Variants in CMTM8 observed in about 807,000 individuals in gnomAD.
CMTM8 encodes CKLF like MARVEL transmembrane domain containing 8.
A neutral mutation model predicts 18.6 loss-of-function variants in CMTM8; 12 were observed. That is an observed-to-expected ratio of 0.65 (90% CI 0.41 to 1.05). The LOEUF is 1.05. Among genes scored for constraint, CMTM8 ranks in the 50% least tolerant of loss-of-function variants. The pLI is 0.00. For synonymous variants in CMTM8, 87 were observed against 90.6 expected (o/e 0.96, Z 0.23); for missense variants, 217 against 227.2 (o/e 0.95, Z 0.29).
At chr3:32,303,819 C>T (rs1239392568) in intron 1 of CMTM8, among the ~76,000 whole-genome samples, 1 of 152,174 alleles carries the variant, frequency 6.6e-6, no homozygotes, top group Non-Finnish European at 1.5e-5. Context: ...TGGGAAGTTG[C>T]AGGCCTGACA....
intron 1 of CMTM8, among the ~76,000 whole-genome samples, chr3:32,290,328 C>T (rs1702758166): frequency 6.6e-6 from 1 of 152,136 alleles, no homozygotes; most frequent in South Asian, 2.1e-4. Flanking sequence ...AACCTAGAAA[C>T]TTCATTGAAA....
At chr3:32,248,670 T>G (rs1702074499) in intron 1 of CMTM8, among the ~76,000 whole-genome samples, 1 of 151,786 alleles carries the variant, frequency 6.6e-6, no homozygotes, top group Admixed American at 6.6e-5. Context: ...GGCCCATGTT[T>G]TTTTTTTTTT....
At chr3:32,253,317 CATTTATT>C (rs1458164199) in intron 1 of CMTM8, among the ~76,000 whole-genome samples, 5 of 149,980 alleles carry the variant, frequency 3.3e-5, no homozygotes, top group Admixed American at 2.7e-4. Context: ...TTTTTTGTAG[CATTTATT>C]TATTTTCTTG....
intron 2 of CMTM8, among the ~76,000 whole-genome samples, chr3:32,363,555 G>A (rs1311770856): frequency 6.6e-6 from 1 of 152,200 alleles, no homozygotes; most frequent in Non-Finnish European, 1.5e-5. Flanking sequence ...TATAATAAGA[G>A]AGAAACATAG....
chr3:32,240,655 G>A (rs1419023063), intron 1 of CMTM8, among the ~76,000 whole-genome samples: 1 of 152,122 alleles, frequency 6.6e-6, no homozygotes, highest in African/African-American at 2.4e-5. Flanking sequence ...AATAATCACT[G>A]TTGACATGTT....
intron 1 of CMTM8, among the ~76,000 whole-genome samples, chr3:32,310,396 T>C (rs1284467259): frequency 6.6e-6 from 1 of 152,210 alleles, no homozygotes; most frequent in Non-Finnish European, 1.5e-5. Context: ...ATACACTGTC[T>C]GGAGATGCTT....
At chr3:32,352,665 A>T (rs1276004153) in intron 1 of CMTM8, among the ~76,000 whole-genome samples, 2 of 152,220 alleles carry the variant, frequency 1.3e-5, no homozygotes, top group Non-Finnish European at 2.9e-5. Context: ...GATGATAGAG[A>T]TCAGGGCAAT....
At chr3:32,255,971 G>A (rs1440000537) in intron 1 of CMTM8, among the ~76,000 whole-genome samples, 1 of 152,088 alleles carries the variant, frequency 6.6e-6, no homozygotes, top group African/African-American at 2.4e-5. Flanking sequence ...CAAGCAATAC[G>A]CCTGCGTTGG....
At chr3:32,247,869 C>T (rs1244935819) in intron 1 of CMTM8, among the ~76,000 whole-genome samples, 1 of 152,226 alleles carries the variant, frequency 6.6e-6, no homozygotes, top group East Asian at 1.9e-4. Context: ...TTAGTAGTCA[C>T]TCCCCATTCC....
In CMTM8 at chr3:32,238,941, T is replaced by TG; in HGVS notation, c.-28dup. On this transcript the variant is annotated 5_prime_UTR_variant, in exon 1 of 4. Transcript: ENST00000307526. Reference sequence around the variant, plus strand: ...CCAGCCCCAGACCCGCCGGGGTCCCTGGGGACGCGCCAGCCCGGCAGTGGC... The same window carrying TG: ...CCAGCCCCAGACCCGCCGGGGTCCCTGGGGGACGCGCCAGCCCGGCAGTGGC... 6.5e-7 allele frequency: 1 copy of TG among 1,538,770 alleles called. No homozygotes were observed. Among genetic ancestry groups the TG allele is most frequent in the Non-Finnish European group, 8.8e-7 (1 of 1,141,268 alleles).
intron 1 of CMTM8, among the ~76,000 whole-genome samples, chr3:32,319,074 A>ATTT (rs1177949113): frequency 9.5e-5 from 3 of 31,532 alleles, no homozygotes; most frequent in African/African-American, 1.5e-4. Flanking sequence ...ATATATATAT[A>ATTT]TTTTTTTTTT....
chr3:32,253,634 T>A (rs150738903), intron 1 of CMTM8, among the ~76,000 whole-genome samples: 1 of 151,976 alleles, frequency 6.6e-6, no homozygotes, highest in African/African-American at 2.4e-5. Flanking sequence ...ATTACAGGCG[T>A]GAGCCACCAT....
At chr3:32,332,226 C>T (rs1011262793) in intron 1 of CMTM8, among the ~76,000 whole-genome samples, 6 of 152,142 alleles carry the variant, frequency 3.9e-5, no homozygotes, top group East Asian at 1.9e-4. Flanking sequence ...AGCTGCAGCC[C>T]GTCGCAGTGG....
At chr3:32,362,046 C>CTTTTCTTT (rs1553608240) in intron 2 of CMTM8, among the ~76,000 whole-genome samples, 1 of 92,066 alleles carries the variant, frequency 1.1e-5, no homozygotes, top group African/African-American at 3.9e-5. Flanking sequence ...ATTTTCTTTT[C>CTTTTCTTT]TTTTTTTTTT....
intron 1 of CMTM8, among the ~76,000 whole-genome samples, chr3:32,316,584 G>A (rs565597169): frequency 6.6e-6 from 1 of 152,330 alleles, no homozygotes; most frequent in East Asian, 1.9e-4. Context: ...GAGCCTGATG[G>A]AGATGTTGAA....
chr3:32,282,797 G>A (rs1156655797), intron 1 of CMTM8, among the ~76,000 whole-genome samples: 2 of 152,178 alleles, frequency 1.3e-5, no homozygotes, highest in African/African-American at 4.8e-5. Flanking sequence ...TCCTGGGTGA[G>A]CTGCTCTGGC....
chr3:32,361,142 C>T (rs1389794352), intron 2 of CMTM8, among the ~76,000 whole-genome samples: 1 of 152,142 alleles, frequency 6.6e-6, no homozygotes, highest in Admixed American at 6.5e-5. Context: ...CCACCACGCC[C>T]AGCTAATTTT....
intron 1 of CMTM8, among the ~76,000 whole-genome samples, chr3:32,345,146 C>T (rs1007215037): frequency 6.6e-6 from 1 of 152,114 alleles, no homozygotes; most frequent in Non-Finnish European, 1.5e-5. Context: ...GAGTTCAAGA[C>T]CAGCCTGGGC....
chr3:32,253,925 C>T (rs772957246), intron 1 of CMTM8, among the ~76,000 whole-genome samples: 7 of 151,644 alleles, frequency 4.6e-5, no homozygotes, highest in East Asian at 2.0e-4. Context: ...TGGAGTTTCA[C>T]GCTTGTTGCC....
Sources: allele counts gnomAD v4.1 joint callset (sites outside exome capture counted in the v4.1 genomes callset), GRCh38; gene constraint gnomAD v4.1.1; transcripts MANE v1.5; gene names NCBI Gene and HGNC (gene_info 2026-07-23, HGNC 2026-07-21).